The following RNF141 variants were observed in gnomAD, a reference collection of about 807,000 sequenced individuals.
RNF141 encodes the protein C3HC4-like zinc finger protein.
Under a neutral mutation model 27.4 loss-of-function variants are expected in RNF141, and 18 were observed. The observed-to-expected ratio is 0.66, with a 90% CI of 0.45 to 0.97. The LOEUF is 0.97. Ranked by LOEUF, RNF141 falls within the 50% of genes least tolerant of loss-of-function variation. The probability of loss-of-function intolerance (pLI) is 0.00; values close to 1 mark genes in which losing one functional copy is unlikely to be tolerated. For synonymous variants in RNF141, 97 were observed against 96.6 expected, an observed-to-expected ratio of 1.00 and a Z score of -0.02; for missense variants, 230 against 279.4, an observed-to-expected ratio of 0.82 and a Z score of 1.26.
At chr11:10,540,573 T>C (rs1337914306) in intron 1 of RNF141, among the ~76,000 whole-genome samples, 1 of 152,146 alleles carries the variant, frequency 6.6e-6, no homozygotes, top group Non-Finnish European at 1.5e-5. Context: ...TTGGGAAGGG[T>C]AGCAGCCTAA....
intron 1 of RNF141, among the ~76,000 whole-genome samples, chr11:10,536,717 G>A (rs1203651340): frequency 6.6e-6 from 1 of 152,050 alleles, no homozygotes; most frequent in Non-Finnish European, 1.5e-5. Flanking sequence ...TCCCGCCTCG[G>A]CCTCCCAGGC....
chr11:10,515,110 T>C lies in RNF141; in HGVS notation c.543-44A>G, dbSNP rs562836585. 1.9e-6 allele frequency: 3 copies of C among 1,565,716 alleles called. No homozygotes were observed. The Admixed American group carries it at 5.9e-5, about 31-fold the overall frequency. The stretch of plus-strand genomic sequence containing the variant: ...CAAAACAGTTTGCTTTCTTCTTTTT[T>C]AAAAACAGGATTTTATTTAAAGTAA... On this transcript the variant is annotated intron_variant, in intron 5 of 5. Coordinates refer to ENST00000265981, the MANE Select transcript of RNF141 (RefSeq NM_016422.4).
chr11:10,516,070 TG>T (rs1849840919), intron 5 of RNF141: 1 of 152,238 alleles, frequency 6.6e-6, no homozygotes, highest in Admixed American at 6.5e-5. Flanking sequence ...TTGTATCAAC[TG>T]CTCTTTGGCT....
At chr11:10,529,273 G>T (rs922613900) in intron 3 of RNF141, among the ~76,000 whole-genome samples, 1 of 152,174 alleles carries the variant, frequency 6.6e-6, no homozygotes, top group African/African-American at 2.4e-5. Flanking sequence ...AGTGACATCT[G>T]CTGGGTCTTT....
intron 1 of RNF141, among the ~76,000 whole-genome samples, chr11:10,537,148 G>A (rs1850044570): frequency 6.6e-6 from 1 of 152,198 alleles, no homozygotes; most frequent in African/African-American, 2.4e-5. Flanking sequence ...GATTTCAGTT[G>A]ATGATAAGCA....
intron 5 of RNF141, chr11:10,517,136 T>TA (rs1180437714): frequency 6.6e-6 from 1 of 151,090 alleles, no homozygotes; most frequent in Non-Finnish European, 1.5e-5. Context: ...TCTATATAGT[T>TA]AAAAAACTAG....
intron 4 of RNF141, among the ~76,000 whole-genome samples, chr11:10,521,169 T>C (rs769682932): frequency 1.3e-5 from 2 of 152,230 alleles, no homozygotes; most frequent in Admixed American, 6.5e-5. Context: ...GCAGATGGTA[T>C]TTTCCTTTCC....
intron 3 of RNF141, among the ~76,000 whole-genome samples, chr11:10,528,622 A>G (rs1459095315): frequency 6.6e-6 from 1 of 152,224 alleles, no homozygotes; most frequent in Non-Finnish European, 1.5e-5. Flanking sequence ...GGCCTCTTCA[A>G]TGTGAGCTGA....
In RNF141 at chr11:10,515,019, C is replaced by T. The variant is rs780830372; in HGVS notation, c.590G>A (p.Gly197Glu). Reference protein sequence around the residue: ...NCPICRLQMTGANESWVVSDA... With the variant: ...NCPICRLQMTEANESWVVSDA... ...TGATACCACCCAAGATTCATTTGCT[C>T]CAGTCATCTGTAGGCGACAAATAGG... The change falls in exon 6 of 6, where the codon GGA (glycine) becomes GAA (glutamate). Residue 197 changes from glycine to glutamate, a missense_variant. Coordinates refer to ENST00000265981, the MANE Select transcript of RNF141 (RefSeq NM_016422.4). 1 of 1,613,944 alleles carries T rather than the reference C, an allele frequency of 6.2e-7. No individual in the cohort carries two copies. Among genetic ancestry groups the T allele is most frequent in the Admixed American group, 1.7e-5 (1 of 59,988 alleles).
chr11:10,514,839 G>C lies in RNF141; in HGVS notation c.*77C>G. The C allele has an allele frequency of 7.2e-7, 1 of 1,389,136 alleles. No individual in the cohort carries two copies. 86.1% of individuals were successfully genotyped at this position (1,389,136 alleles called of 1,614,324 possible). On this transcript the variant is annotated 3_prime_UTR_variant, in exon 6 of 6. Coordinates refer to ENST00000265981, the MANE Select transcript of RNF141 (RefSeq NM_016422.4). Reference sequence around the variant, plus strand: ...AATGGATTTTCCTGTGTCTGTGCCAGTGCCACAACCCTACATTCTTCCCCC... The same window carrying C: ...AATGGATTTTCCTGTGTCTGTGCCACTGCCACAACCCTACATTCTTCCCCC...
chr11:10,523,923 C>T (rs191262021), intron 4 of RNF141, among the ~76,000 whole-genome samples: 2 of 152,346 alleles, frequency 1.3e-5, no homozygotes, highest in East Asian at 3.9e-4. Context: ...CAAGCCTAAA[C>T]ACTGCCTACC....
chr11:10,515,229 C>T (rs1849834249), intron 5 of RNF141, 163 bp from the exon 6 acceptor site: 2 of 745,514 alleles, frequency 2.7e-6, no homozygotes, highest in Non-Finnish European at 2.1e-6. Context: ...TTCTCTTTCC[C>T]AGGGGCAACC....
intron 4 of RNF141, among the ~76,000 whole-genome samples, chr11:10,523,026 A>G (rs1262055216): frequency 6.6e-6 from 1 of 152,246 alleles, no homozygotes; most frequent in African/African-American, 2.4e-5. Context: ...GAAAAACTTC[A>G]TAGTGATTAG....
chr11:10,518,843 A>T lies in RNF141; in HGVS notation c.542+191T>A, dbSNP rs1041056527. On this transcript the variant is annotated intron_variant, in intron 5 of 5. Coordinates refer to ENST00000265981, the MANE Select transcript of RNF141 (RefSeq NM_016422.4). Reference sequence around the variant, plus strand: ...AGTGTCAAAACTAAGGTACACCCCCATATTTAATAAATGTTAGGTGTAAAA... The same window carrying T: ...AGTGTCAAAACTAAGGTACACCCCCTTATTTAATAAATGTTAGGTGTAAAA... 2.7e-5 allele frequency: 13 copies of T among 480,836 alleles called. 1 individual carries two copies. The highest frequency in any genetic ancestry group is 4.0e-5 in the Non-Finnish European group (11 of 273,054). 29.8% of individuals were successfully genotyped at this position (480,836 alleles called of 1,614,324 possible).
At chr11:10,528,287 A>G (rs1169299889) in intron 3 of RNF141, among the ~76,000 whole-genome samples, 1 of 152,182 alleles carries the variant, frequency 6.6e-6, no homozygotes, top group Non-Finnish European at 1.5e-5. Context: ...TCTTTCTAAC[A>G]TAAACACTGA....
intron 2 of RNF141, among the ~76,000 whole-genome samples, chr11:10,532,779 A>T (rs1042807093): frequency 2.6e-5 from 4 of 152,188 alleles, no homozygotes; most frequent in Non-Finnish European, 5.9e-5. Context: ...GGGTTCATAT[A>T]TCTTACCTTA....
intron 5 of RNF141, chr11:10,518,275 C>T (rs916052478): frequency 1.3e-5 from 2 of 152,060 alleles, no homozygotes; most frequent in Admixed American, 1.3e-4. Flanking sequence ...AAAATACATC[C>T]ATAAAATGAC....
intron 1 of RNF141, among the ~76,000 whole-genome samples, chr11:10,535,855 C>A (rs1020689791): frequency 6.6e-6 from 1 of 152,156 alleles, no homozygotes; most frequent in African/African-American, 2.4e-5. Context: ...TTTTCTTGAT[C>A]GAATCCAAAC....
Position 10,534,237 on chromosome 11 carries a change from T to A in RNF141, c.-47-32A>T, listed in dbSNP as rs200084290. The stretch of plus-strand genomic sequence containing the variant: ...AATATACAGAAAAGTTACTTTTACA[T>A]ATTATACAAAAACGGCAATATACTC... On this transcript the variant is annotated intron_variant, in intron 1 of 5. Transcript: ENST00000265981. 1.5e-5 allele frequency: 22 copies of A among 1,493,104 alleles called. No homozygotes were observed. The East Asian group carries it at 4.8e-4, about 32-fold the overall frequency. 92.5% of individuals were successfully genotyped at this position (1,493,104 alleles called of 1,614,324 possible). A position where few individuals can be genotyped will look rare whatever the true frequency, so the allele number is the denominator to read the frequency against.
Sources: allele counts gnomAD v4.1 joint callset (sites outside exome capture counted in the v4.1 genomes callset), GRCh38; gene constraint gnomAD v4.1.1; transcripts MANE v1.5; gene names NCBI Gene and HGNC (gene_info 2026-07-23, HGNC 2026-07-21).